Variants in SKA2 observed in about 807,000 individuals in gnomAD.
SKA2 encodes spindle and kinetochore associated complex subunit 2.
SKA2 carries 13 observed loss-of-function variants against 16.9 expected under a neutral mutation model. That is an observed-to-expected ratio of 0.77 (90% CI 0.50 to 1.22). The LOEUF (loss-of-function observed/expected upper bound fraction) is 1.22. Among genes scored for constraint, SKA2 ranks in the 50% most tolerant of loss-of-function variants. The pLI, the probability that SKA2 is intolerant of heterozygous loss-of-function variation, is 0.00. For synonymous variants in SKA2, 47 were observed against 48.5 expected, an observed-to-expected ratio of 0.97 and a Z score of 0.13; for missense variants, 107 against 139.7, an observed-to-expected ratio of 0.77 and a Z score of 1.18.
intron 2 of SKA2, chr17:59,129,428 C>T (rs2046395383): frequency 6.7e-6 from 1 of 149,380 alleles, no homozygotes; most frequent in African/African-American, 2.5e-5. Flanking sequence ...AGATACTACA[C>T]TTGATCTTAG....
intron 2 of SKA2, among the ~76,000 whole-genome samples, chr17:59,128,181 C>T (rs1233520244): frequency 7.9e-5 from 12 of 151,456 alleles, no homozygotes. Context: ...CACCACTGCA[C>T]TCCAGCCTAG....
chr17:59,115,139 C>T (rs1304733698), intron 3 of SKA2, among the ~76,000 whole-genome samples: 5 of 150,180 alleles, frequency 3.3e-5, no homozygotes, highest in Non-Finnish European at 1.5e-5. Flanking sequence ...CTGCAACCTC[C>T]GCCTCCCAGG....
In SKA2 at chr17:59,131,173, TTAA is replaced by T. The variant is rs1161626354; in HGVS notation, c.120+105_120+107del. The T allele has an allele frequency of 9.9e-6, 7 of 708,972 alleles. No homozygotes were observed. The East Asian group carries it at 1.1e-4, about 12-fold the overall frequency. 43.9% of individuals were successfully genotyped at this position (708,972 alleles called of 1,614,324 possible). A position where few individuals can be genotyped will look rare whatever the true frequency, so the allele number is the denominator to read the frequency against. ...TGCAAGATTTTAAGATTCTATAAAC[TTAA>T]TAATATAATTCTTATGATCTATTAC... On this transcript the variant is annotated intron_variant, in intron 2 of 3. Coordinates refer to ENST00000330137, the MANE Select transcript of SKA2 (RefSeq NM_182620.4).
intron 3 of SKA2, among the ~76,000 whole-genome samples, chr17:59,115,055 CTT>C (rs776335145): frequency 2.6e-4 from 36 of 137,094 alleles, no homozygotes; most frequent in Admixed American, 3.7e-4. Flanking sequence ...TTCTTTCTTC[CTT>C]TTTTTTTTTT....
In SKA2 at chr17:59,144,773, G is replaced by A. The variant is rs145536649; in HGVS notation, c.33+10358C>T. Among the ~76,000 whole-genome samples, 299 of 152,226 alleles carry A rather than the reference G, an allele frequency of 2.0e-3. 4 individuals are homozygous for A. The highest frequency in any genetic ancestry group is 6.8e-3 in the African/African-American group (284 of 41,540). ...TAGTTGCTAGACGCTGGGGGGAGGG[G>A]AAAAGAGGAGTAATTGTATAATGGG... On this transcript the variant is annotated intron_variant, in intron 1 of 3. Coordinates refer to ENST00000330137, the MANE Select transcript of SKA2 (RefSeq NM_182620.4).
chr17:59,114,822 G>A (rs577410219), intron 3 of SKA2, among the ~76,000 whole-genome samples: 3 of 152,258 alleles, frequency 2.0e-5, no homozygotes, highest in Admixed American at 2.0e-4. Flanking sequence ...GAATCAAGTA[G>A]TTACAATTCT....
intron 3 of SKA2, among the ~76,000 whole-genome samples, chr17:59,118,570 A>C (rs1388290698): frequency 6.6e-6 from 1 of 150,566 alleles, no homozygotes. Context: ...GAGATGATTT[A>C]TAAAAGCTTA....
At position 59,138,397 on chromosome 17, in the gene SKA2, G is replaced by A. The variant is rs138600933; in HGVS notation, c.34-7030C>T. On this transcript the variant is annotated intron_variant, in intron 1 of 3. Coordinates refer to ENST00000330137, the MANE Select transcript of SKA2 (RefSeq NM_182620.4). ...GGATTTTGGAGCATTTCAGATTTTG[G>A]AATTTTGGATTAGGGATGCTCAACC... 4.1e-3 allele frequency among the ~76,000 whole-genome samples: 625 copies of A among 151,488 alleles called. 4 individuals carry two copies. The highest frequency in any genetic ancestry group is 5.8e-3 in the Non-Finnish European group (393 of 67,810).
At chr17:59,149,296 C>G (rs984370757) in intron 1 of SKA2, among the ~76,000 whole-genome samples, 4 of 151,996 alleles carry the variant, frequency 2.6e-5, no homozygotes, top group African/African-American at 9.7e-5. Flanking sequence ...TCATTTGAGC[C>G]CAGGAGTTAG....
chr17:59,129,331 A>C (rs1391972503), intron 2 of SKA2: 2 of 149,158 alleles, frequency 1.3e-5, no homozygotes, highest in African/African-American at 5.0e-5. Context: ...CCTGGGTGAC[A>C]GAGTGAGACC....
chr17:59,150,096 G>T (rs2147821979), intron 1 of SKA2, among the ~76,000 whole-genome samples: 1 of 152,198 alleles, frequency 6.6e-6, no homozygotes, highest in African/African-American at 2.4e-5. Context: ...GTATACATTT[G>T]TCAAAACTCG....
intron 2 of SKA2, among the ~76,000 whole-genome samples, chr17:59,119,972 A>G (rs1016015790): frequency 1.3e-5 from 2 of 150,786 alleles, no homozygotes; most frequent in African/African-American, 2.4e-5. Context: ...GCAGTGGCGC[A>G]ATCTCAGCTC....
Position 59,119,332 on chromosome 17 carries a change from T to G in SKA2, c.284A>C (p.Gln95Pro). 1 of 1,613,934 alleles carries G rather than the reference T, an allele frequency of 6.2e-7. No individual in the cohort carries two copies. The highest frequency in any genetic ancestry group is 8.5e-7 in the Non-Finnish European group (1 of 1,179,840). Residue 95 changes from glutamine to proline, a missense_variant, in exon 3 of 4, where the codon CAA becomes CCA. Transcript: ENST00000330137. The stretch of plus-strand genomic sequence containing the variant: ...TGAAAGCATTACCTCCAGGTCTGTT[T>G]GCTTCTGTAGTTTTTGTATCATATT... ...TMNMIQKLQK[Q>P]TDLELSPLTK...
intron 1 of SKA2, among the ~76,000 whole-genome samples, chr17:59,148,185 C>T (rs2046548656): frequency 6.6e-6 from 1 of 151,958 alleles, no homozygotes; most frequent in Non-Finnish European, 1.5e-5. Context: ...ATAAGCAGAC[C>T]TACACACTGA....
chr17:59,153,888 C>T (rs1351943169), intron 1 of SKA2, among the ~76,000 whole-genome samples: 2 of 151,918 alleles, frequency 1.3e-5, no homozygotes, highest in Non-Finnish European at 2.9e-5. Flanking sequence ...CCTCCTGCCT[C>T]AGCCTCCCGA....
chr17:59,144,867 C>T (rs1008299889), intron 1 of SKA2, among the ~76,000 whole-genome samples: 1 of 151,926 alleles, frequency 6.6e-6, no homozygotes, highest in African/African-American at 2.4e-5. Flanking sequence ...GGTTAGAGGG[C>T]GACGCTGCAT....
chr17:59,124,468 T>C (rs2046357842), intron 2 of SKA2: 1 of 151,770 alleles, frequency 6.6e-6, no homozygotes, highest in Non-Finnish European at 1.5e-5. Flanking sequence ...GGAGGGAAAT[T>C]GGTAGGAGGG....
intron 3 of SKA2, among the ~76,000 whole-genome samples, chr17:59,117,396 A>T (rs2046303753): frequency 1.3e-5 from 2 of 151,832 alleles, no homozygotes; most frequent in South Asian, 4.2e-4. Flanking sequence ...TTTTTATTTT[A>T]GTTTATTTTA....
At chr17:59,151,494 G>A (rs1599682337) in intron 1 of SKA2, among the ~76,000 whole-genome samples, 1 of 151,988 alleles carries the variant, frequency 6.6e-6, no homozygotes, top group South Asian at 2.1e-4. Flanking sequence ...ATTAGAATGG[G>A]TATTGTTAAT....
Sources: allele counts gnomAD v4.1 joint callset (sites outside exome capture counted in the v4.1 genomes callset), GRCh38; gene constraint gnomAD v4.1.1; transcripts MANE v1.5; gene names NCBI Gene and HGNC (gene_info 2026-07-23, HGNC 2026-07-21).